Variants in CXorf38 observed in about 807,000 individuals in gnomAD.
CXorf38 encodes the protein uncharacterized protein CXorf38.
In CXorf38, 13 loss-of-function variants were observed where a neutral mutation model predicts 27.5. That is an observed-to-expected ratio of 0.47 (90% CI 0.31 to 0.75). The LOEUF is 0.75. Among genes scored for constraint, CXorf38 ranks in the 30% least tolerant of loss-of-function variants. CXorf38 has a pLI of 0.05. For synonymous variants in CXorf38, 100 were observed against 99.8 expected, an observed-to-expected ratio of 1.00 and a Z score of -0.01; for missense variants, 240 against 253.2, an observed-to-expected ratio of 0.95 and a Z score of 0.35.
In CXorf38 at chrX:40,644,311, G is replaced by A. The variant is rs760527598; in HGVS notation, c.351+2696C>T. On this transcript the variant is annotated intron_variant, in intron 2 of 6. Transcript: ENST00000327877. ...GCCTTGAGCAAGAGAAAAGGGATAA[G>A]ATCCAACACACGAGTGGAGGTATGA... Among the ~76,000 whole-genome samples, 13 of 112,306 alleles carry A rather than the reference G, an allele frequency of 1.2e-4. No homozygotes were observed. In the South Asian group the frequency reaches 4.8e-3, roughly 41 times the overall value.
At chrX:40,640,170 A>T (rs780092186) in intron 2 of CXorf38, 7 of 197,424 alleles carry the variant, frequency 3.5e-5, no homozygotes, top group South Asian at 1.8e-4. Flanking sequence ...CATCTCTATT[A>T]AAAAAAAAAA....
chrX:40,641,388 TTTTTG>T (rs1416304498), intron 2 of CXorf38, among the ~76,000 whole-genome samples: 1 of 111,310 alleles, frequency 9.0e-6, no homozygotes, highest in Non-Finnish European at 1.9e-5. Context: ...CATGTTAAAG[TTTTTG>T]TTTTGTTTTT....
chrX:40,627,488 G>C lies in CXorf38; in HGVS notation c.*2676C>G, dbSNP rs1927578559. ...TTACAGGCGCGAGTCACTGCGCCCA[G>C]CTGCTATACATTGTTAAACCTTTTG... On this transcript the variant is annotated 3_prime_UTR_variant, in exon 7 of 7. Coordinates refer to ENST00000327877, the MANE Select transcript of CXorf38 (RefSeq NM_144970.3). The C allele has an allele frequency of 8.9e-6, 1 of 112,550 alleles. No individual in the cohort carries two copies. Among genetic ancestry groups the C allele is most frequent in the South Asian group, 3.6e-4 (1 of 2,766 alleles). 9.3% of individuals were successfully genotyped at this position (112,550 alleles called of 1,213,427 possible). A position where few individuals can be genotyped will look rare whatever the true frequency, so the allele number is the denominator to read the frequency against.
Position 40,647,510 on chromosome X carries a change from G to A in CXorf38, c.11C>T (p.Ser4Leu). The A allele has an allele frequency of 8.4e-7, 1 of 1,184,885 alleles. No homozygotes were observed. The highest frequency in any genetic ancestry group is 2.3e-5 in the Admixed American group (1 of 43,066). The change falls in exon 1 of 7, where the codon TCG becomes TTG. Residue 4 changes from serine (S) to leucine (L), a missense_variant. Coordinates refer to ENST00000327877, the MANE Select transcript of CXorf38 (RefSeq NM_144970.3). MVL[S>L]ELAARLNCAE... ...GCAGTTGAGGCGCGCCGCTAGCTCC[G>A]ACAGCACCATGTCTCCCACTTGGAA... is the stretch of plus-strand genomic sequence containing the variant.
chrX:40,642,458 G>A (rs1261579172), intron 2 of CXorf38, among the ~76,000 whole-genome samples: 1 of 111,519 alleles, frequency 9.0e-6, no homozygotes, highest in African/African-American at 3.3e-5. Flanking sequence ...GCCTGGCCCT[G>A]AGTCCTGAGG....
In CXorf38 at chrX:40,627,188, G is replaced by GC. The variant is rs1927558137; in HGVS notation, c.*2975_*2976insG. The stretch of plus-strand genomic sequence containing the variant: ...AGCTTGCTATGCATTTTTTTTTTTG[G>GC]GGGGGGGGGGTTGTTTTTTAGAGAC... On this transcript the variant is annotated 3_prime_UTR_variant, in exon 7 of 7. Transcript: ENST00000327877. The GC allele has an allele frequency of 1.5e-5, 1 of 68,924 alleles. No homozygotes were observed. The highest frequency in any genetic ancestry group is 2.5e-5 in the Non-Finnish European group (1 of 39,972). The allele number at this position is 68,924 out of a possible 1,213,427, so 5.7% of individuals were successfully genotyped here.
intron 2 of CXorf38, chrX:40,639,404 G>C (rs1246382591): frequency 7.0e-5 from 15 of 212,996 alleles, no homozygotes; most frequent in African/African-American, 3.8e-4. Context: ...TAAACAGAAA[G>C]CATAACTAGA....
chrX:40,632,898 T>C (rs1464861181), intron 5 of CXorf38, among the ~76,000 whole-genome samples: 1 of 111,981 alleles, frequency 8.9e-6, no homozygotes, highest in Non-Finnish European at 1.9e-5. Context: ...GTCCATTCCC[T>C]CCTTTTTAAC....
chrX:40,636,888 C>A (rs1928093373), intron 4 of CXorf38, 119 bp downstream of exon 4: 1 of 848,334 alleles, frequency 1.2e-6, no homozygotes, highest in Non-Finnish European at 1.7e-6. Flanking sequence ...GCATTCTTTC[C>A]CCTGCTTACA....
chrX:40,646,988 C>T lies in CXorf38; in HGVS notation c.351+19G>A. The T allele has an allele frequency of 1.7e-6, 2 of 1,206,734 alleles. No individual in the cohort carries two copies. The highest frequency in any genetic ancestry group is 2.2e-6 in the Non-Finnish European group (2 of 893,255). On this transcript the variant is annotated intron_variant, in intron 2 of 6. Transcript: ENST00000327877. Reference sequence around the variant, plus strand: ...GTGACCCGCCGCTTCCTCCTTCCGTCCCCGCCTCAGGCGCTTACCTTGGCC... The same window carrying T: ...GTGACCCGCCGCTTCCTCCTTCCGTTCCCGCCTCAGGCGCTTACCTTGGCC...
chrX:40,646,687 G>A (rs916707988), intron 2 of CXorf38, among the ~76,000 whole-genome samples: 1 of 111,345 alleles, frequency 9.0e-6, no homozygotes, highest in African/African-American at 3.3e-5. Context: ...GGCCACACAA[G>A]AGTCTCCCTC....
At chrX:40,631,295 ATG>A (rs1432088102) in intron 5 of CXorf38, among the ~76,000 whole-genome samples, 4 of 97,579 alleles carry the variant, frequency 4.1e-5, no homozygotes, top group Non-Finnish European at 4.2e-5. Flanking sequence ...ACACACGTGT[ATG>A]TGTGTGTGTG....
rs1927537720 is a variant in CXorf38, at chrX:40,626,930, G to T, written c.*3234C>A. On this transcript the variant is annotated 3_prime_UTR_variant, in exon 7 of 7. Coordinates refer to ENST00000327877, the MANE Select transcript of CXorf38 (RefSeq NM_144970.3). ...ATGCGACACAGCCAGCTTGCAGTTT[G>T]AATTTATATTTTATTATTTTGAAAT... The T allele has an allele frequency of 8.9e-6, 1 of 111,831 alleles. No homozygotes were observed. The highest frequency in any genetic ancestry group is 3.7e-4 in the South Asian group (1 of 2,704). The allele number at this position is 111,831 out of a possible 1,213,427, so 9.2% of individuals were successfully genotyped here. A position where few individuals can be genotyped will look rare whatever the true frequency, so the allele number is the denominator to read the frequency against.
At position 40,647,528 on chromosome X, in the gene CXorf38, A is replaced by G. The variant is rs753115860; in HGVS notation, c.-8T>C. 1.5e-5 allele frequency: 18 copies of G among 1,178,214 alleles called. No individual in the cohort carries two copies. In the East Asian group the frequency reaches 5.7e-4, roughly 37 times the overall value. On this transcript the variant is annotated 5_prime_UTR_variant, in exon 1 of 7. Coordinates refer to ENST00000327877, the MANE Select transcript of CXorf38 (RefSeq NM_144970.3). ...TAGCTCCGACAGCACCATGTCTCCCACTTGGAACCAGGAGGTTGCGGGGCG... is the reference window on the plus strand; with the variant it reads ...TAGCTCCGACAGCACCATGTCTCCCGCTTGGAACCAGGAGGTTGCGGGGCG...
intron 5 of CXorf38, among the ~76,000 whole-genome samples, chrX:40,631,710 T>C (rs963562895): frequency 1.8e-5 from 2 of 112,003 alleles, no homozygotes; most frequent in Admixed American, 9.4e-5. Flanking sequence ...GAGCAGTAGT[T>C]CTTAAACTGC....
At chrX:40,641,825 C>T (rs763641455) in intron 2 of CXorf38, among the ~76,000 whole-genome samples, 7 of 112,387 alleles carry the variant, frequency 6.2e-5, no homozygotes, top group African/African-American at 1.3e-4. Context: ...ACATGCCAAA[C>T]GCACAGCAGT....
chrX:40,630,905 C>A, intron 5 of CXorf38, 132 bp from the exon 6 acceptor site: 6 of 520,079 alleles, frequency 1.2e-5, no homozygotes, highest in Non-Finnish European at 1.8e-5. Flanking sequence ...TGGCTACAGG[C>A]ATCTGTCCAC....
rs1172675880 is a variant in CXorf38, at chrX:40,634,401, A to C, written c.801+2132T>G. On this transcript the variant is annotated intron_variant, in intron 5 of 6. Coordinates refer to ENST00000327877, the MANE Select transcript of CXorf38 (RefSeq NM_144970.3). ...CCCTACTGTTTTAACAAAAACAAGA[A>C]ACAGGTCTTGATAACATTTATAACA... is the stretch of plus-strand genomic sequence containing the variant. 2.7e-5 allele frequency among the ~76,000 whole-genome samples: 3 copies of C among 112,153 alleles called. 1 individual carries two copies. The Admixed American group carries it at 2.8e-4, about 11-fold the overall frequency.
chrX:40,636,458 A>T, intron 5 of CXorf38, 75 bp downstream of exon 5: 1 of 618,283 alleles, frequency 1.6e-6, no homozygotes, highest in Non-Finnish European at 2.5e-6. Context: ...ATTTGTTAAG[A>T]TGAGCTACTC....
Sources: gnomAD v4.1 joint callset for allele counts (sites outside exome capture counted in the v4.1 genomes callset) on GRCh38, gnomAD v4.1.1 for gene constraint, MANE v1.5 for transcripts, NCBI Gene and HGNC (gene_info 2026-07-23, HGNC 2026-07-21) for gene names.